The following ATP11A variants were observed in gnomAD, a reference collection of about 807,000 sequenced individuals.
ATP11A encodes phospholipid-transporting ATPase IH.
A neutral mutation model predicts 154.4 loss-of-function variants in ATP11A; 81 were observed. The ratio of observed to expected loss-of-function variants is 0.52; its 90% CI spans 0.44 to 0.63. The LOEUF (loss-of-function observed/expected upper bound fraction) is 0.63, where lower values mean the gene tolerates loss of function less well. ATP11A is among the 30% of genes least tolerant of loss of function. The probability of loss-of-function intolerance (pLI) is 0.00; values close to 1 mark genes in which losing one functional copy is unlikely to be tolerated. For synonymous variants in ATP11A, 623 were observed against 585.9 expected (o/e 1.06, Z -0.91); for missense variants, 1,316 against 1,474.3 (o/e 0.89, Z 1.76).
intron 13 of ATP11A, among the ~76,000 whole-genome samples, chr13:112,832,138 A>G (rs1462171401): frequency 6.6e-6 from 1 of 152,176 alleles, no homozygotes; most frequent in Non-Finnish European, 1.5e-5. Flanking sequence ...GCTCACACGC[A>G]GACACACACA....
intron 29 of ATP11A, among the ~76,000 whole-genome samples, chr13:112,879,750 A>G (rs776174034): frequency 2.0e-5 from 3 of 152,256 alleles, no homozygotes; most frequent in Admixed American, 6.5e-5. Flanking sequence ...GCGTTCTGCA[A>G]AACTTTGGAG....
chr13:112,875,831 G>A lies in ATP11A; in HGVS notation c.3217G>A (p.Gly1073Arg), dbSNP rs906721327. ...CGTGTTCATCCAGATGCTGTCCAGC[G>A]GGCCCGCCTGGCTGGCCATCGTGCT... ...YYVFIQMLSS[G>R]PAWLAIVLLV... Residue 1073 changes from glycine to arginine, a missense_variant, in exon 28 of 30, where the codon GGG becomes AGG. Transcript: ENST00000375645. This position sits in a 1 kb window ranked among gnomAD's most constrained non-coding sequence, Gnocchi z 4.1. 5.0e-6 allele frequency: 8 copies of A among 1,613,802 alleles called. No individual in the cohort carries two copies. The highest frequency in any genetic ancestry group is 1.7e-5 in the Admixed American group (1 of 59,990).
chr13:112,817,558 C>A (rs1342221996), intron 6 of ATP11A, among the ~76,000 whole-genome samples: 1 of 152,198 alleles, frequency 6.6e-6, no homozygotes, highest in Non-Finnish European at 1.5e-5. Context: ...AGGTTCCATC[C>A]ACCCAGAGAC....
intron 25 of ATP11A, among the ~76,000 whole-genome samples, chr13:112,870,163 A>G (rs2080468749): frequency 1.3e-5 from 2 of 152,194 alleles, no homozygotes; most frequent in South Asian, 4.1e-4. Flanking sequence ...AAGTGAGGGA[A>G]AAACTGAAGG....
chr13:112,717,073 A>G (rs1888551467), intron 1 of ATP11A, among the ~76,000 whole-genome samples: 1 of 152,080 alleles, frequency 6.6e-6, no homozygotes, highest in Non-Finnish European at 1.5e-5. Context: ...AATGAGGGGG[A>G]GGCTTCTGTT....
At chr13:112,791,855 G>A (rs1290940702) in intron 2 of ATP11A, among the ~76,000 whole-genome samples, 2 of 152,124 alleles carry the variant, frequency 1.3e-5, no homozygotes, top group African/African-American at 4.8e-5. Flanking sequence ...GCTTATTGCT[G>A]CTTTCCAGGA....
chr13:112,725,342 G>C (rs1347782400), intron 1 of ATP11A, among the ~76,000 whole-genome samples: 2 of 152,192 alleles, frequency 1.3e-5, no homozygotes, highest in African/African-American at 2.4e-5. Context: ...GGTATGGGCA[G>C]AGGCATCACC....
rs762137072 is a variant in ATP11A at position 112,881,992 on chromosome 13, C to T, written c.*126C>T. ...CCACGGAGCCCCCACCCATCCTCGG[C>T]GGTTCCCATCACCACTGCAGTTCCA... On this transcript the variant is annotated 3_prime_UTR_variant, in exon 30 of 30. Coordinates refer to ENST00000375645, the MANE Select transcript of ATP11A (RefSeq NM_015205.3). 16 of 1,367,702 alleles carry T rather than the reference C, an allele frequency of 1.2e-5. No individual in the cohort carries two copies. The highest frequency in any genetic ancestry group is 3.0e-5 in the African/African-American group (2 of 67,730). The allele number at this position is 1,367,702 out of a possible 1,614,324, so 84.7% of individuals were successfully genotyped here. A position where few individuals can be genotyped will look rare whatever the true frequency, so the allele number is the denominator to read the frequency against.
At chr13:112,704,440 C>T (rs1346706693) in intron 1 of ATP11A, among the ~76,000 whole-genome samples, 2 of 152,256 alleles carry the variant, frequency 1.3e-5, no homozygotes, top group East Asian at 3.8e-4. Flanking sequence ...TTTTGATGCT[C>T]TTGGGAGCCC....
At position 112,807,011 on chromosome 13, in the gene ATP11A, G is replaced by T. The variant is rs1226271342; in HGVS notation, c.333+718G>T. ...AGTCACGGTCCCCTGCACATACCTG[G>T]CATTTTGTGTATCACGCGTCCTCTG... On this transcript the variant is annotated intron_variant, in intron 4 of 29. Coordinates refer to ENST00000375645, the MANE Select transcript of ATP11A (RefSeq NM_015205.3). This position sits in a 1 kb window ranked among gnomAD's most constrained non-coding sequence, Gnocchi z 4.5. Among the ~76,000 whole-genome samples, 1 of 152,198 alleles carries T rather than the reference G, an allele frequency of 6.6e-6. No homozygotes were observed. The highest frequency in any genetic ancestry group is 2.4e-5 in the African/African-American group (1 of 41,448).
chr13:112,758,479 A>C (rs1467762903), intron 1 of ATP11A, among the ~76,000 whole-genome samples: 1 of 149,304 alleles, frequency 6.7e-6, no homozygotes, highest in Non-Finnish European at 1.5e-5. Context: ...GCTGGAGTGC[A>C]GTGGCACAAT....
intron 25 of ATP11A, among the ~76,000 whole-genome samples, chr13:112,869,742 C>G (rs1049194733): frequency 6.6e-6 from 1 of 152,238 alleles, no homozygotes; most frequent in Non-Finnish European, 1.5e-5. Flanking sequence ...CTTCCAGTTA[C>G]AGCACAGCAG....
chr13:112,868,458 G>A (rs2080409316), intron 25 of ATP11A, among the ~76,000 whole-genome samples: 1 of 152,228 alleles, frequency 6.6e-6, no homozygotes. Context: ...CAGTGGTGGA[G>A]GGTGGCCAGC....
rs75259321 is a variant in ATP11A at position 112,845,774 on chromosome 13, G to A, written c.1809+3395G>A. 2.8e-3 allele frequency among the ~76,000 whole-genome samples: 196 copies of A among 70,864 alleles called. 16 individuals are homozygous for A. Among genetic ancestry groups the A allele is most frequent in the African/African-American group, 0.017 (170 of 10,240 alleles). The allele number at this position is 70,864 out of a possible 152,430, so 46.5% of individuals were successfully genotyped here. A position where few individuals can be genotyped will look rare whatever the true frequency, so the allele number is the denominator to read the frequency against. ...AACCAGTCCAGTTGCCGGCACTAGC[G>A]GTACTAACCAGTCCAGTTTCCAGGC... On this transcript the variant is annotated intron_variant, in intron 17 of 29. Coordinates refer to ENST00000375645, the MANE Select transcript of ATP11A (RefSeq NM_015205.3).
Position 112,859,542 on chromosome 13 carries a change from A to T in ATP11A, c.2727+90A>T. 9.0e-7 allele frequency: 1 copy of T among 1,106,902 alleles called. No individual in the cohort carries two copies. The allele number at this position is 1,106,902 out of a possible 1,614,324, so 68.6% of individuals were successfully genotyped here. On this transcript the variant is annotated intron_variant, in intron 23 of 29. Coordinates refer to ENST00000375645, the MANE Select transcript of ATP11A (RefSeq NM_015205.3). The surrounding 1 kb of genome is among the most constrained non-coding windows in gnomAD (Gnocchi z 4.3). ...TGCTGTGGGGAGGGGAGACTTGGGA[A>T]TGAGCAGCACTCCCCGGCACCACGA...
In ATP11A at chr13:112,699,634, C is replaced by T. The variant is rs367615462; in HGVS notation, c.39+9179C>T. 2.0e-3 allele frequency among the ~76,000 whole-genome samples: 306 copies of T among 152,336 alleles called. 2 individuals carry two copies. The highest frequency in any genetic ancestry group is 8.7e-3 in the South Asian group (42 of 4,832). On this transcript the variant is annotated intron_variant, in intron 1 of 29. Coordinates refer to ENST00000375645, the MANE Select transcript of ATP11A (RefSeq NM_015205.3). The stretch of plus-strand genomic sequence containing the variant: ...GGCAAGAAGGGTTTTAACTTCTGTT[C>T]GTGTTACTTCTGCTGAGTTGGAAGG...
At position 112,882,062 on chromosome 13, in the gene ATP11A, TGATG is replaced by T. The variant is rs1409065577; in HGVS notation, c.*202_*205del. 1 of 1,367,510 alleles carries T rather than the reference TGATG, an allele frequency of 7.3e-7. No homozygotes were observed. The highest frequency in any genetic ancestry group is 9.8e-7 in the Non-Finnish European group (1 of 1,021,958). The allele number at this position is 1,367,510 out of a possible 1,614,324, so 84.7% of individuals were successfully genotyped here. A position where few individuals can be genotyped will look rare whatever the true frequency, so the allele number is the denominator to read the frequency against. On this transcript the variant is annotated 3_prime_UTR_variant, in exon 30 of 30. Transcript: ENST00000375645. The surrounding 1 kb of genome is among the most constrained non-coding windows in gnomAD (Gnocchi z 5.1). ...TAGGTCCCGTGTGGGAATGCTCGTGTGATGGATGGTCCTAAGCCTGTGGAGACTG... is the reference window on the plus strand; with the variant it reads ...TAGGTCCCGTGTGGGAATGCTCGTGTGATGGTCCTAAGCCTGTGGAGACTG...
chr13:112,757,408 A>G (rs2076866930), intron 1 of ATP11A, among the ~76,000 whole-genome samples: 1 of 152,270 alleles, frequency 6.6e-6, no homozygotes, highest in Non-Finnish European at 1.5e-5. Context: ...TGTCATCACG[A>G]CTTCCTCTTA....
At chr13:112,832,836 G>C (rs1219346942) in intron 13 of ATP11A, 24 bp from the exon 14 acceptor site, 2 of 1,607,998 alleles carry the variant, frequency 1.2e-6, no homozygotes, top group African/African-American at 1.3e-5. Flanking sequence ...TGATTTGGGG[G>C]TTCTGGGAAC....
Sources: allele counts gnomAD v4.1 joint callset (sites outside exome capture counted in the v4.1 genomes callset), GRCh38; gene constraint gnomAD v4.1.1; non-coding constraint Gnocchi (gnomAD v3.1); transcripts MANE v1.5; gene names NCBI Gene and HGNC (gene_info 2026-07-23, HGNC 2026-07-21).